Variants in CAPSL observed in about 807,000 individuals in gnomAD.
CAPSL encodes calcyphosine like.
Under a neutral mutation model 21.3 loss-of-function variants are expected in CAPSL, and 17 were observed. The ratio of observed to expected loss-of-function variants is 0.80; its 90% CI spans 0.55 to 1.20. CAPSL has a LOEUF of 1.20. Among genes scored for constraint, CAPSL ranks in the 50% most tolerant of loss-of-function variants. CAPSL has a pLI of 0.00. For missense variants in CAPSL, 289 were observed against 259.3 expected (o/e 1.11, Z -0.79); for synonymous variants, 102 against 89.3 (o/e 1.14, Z -0.80).
intron 1 of CAPSL, among the ~76,000 whole-genome samples, chr5:35,923,219 C>CAGTA (rs1011090009): frequency 6.6e-6 from 1 of 150,684 alleles, no homozygotes; most frequent in Non-Finnish European, 1.5e-5. Flanking sequence ...CCATCCATGA[C>CAGTA]AGTAAGTGAG....
chr5:35,910,218 C>T, intron 3 of CAPSL, 143 bp from the exon 4 acceptor site: 1 of 1,102,174 alleles, frequency 9.1e-7, no homozygotes, highest in Admixed American at 2.7e-5. Context: ...ACAATTGCTC[C>T]AAAAATTCCT....
chr5:35,905,418 A>G (rs986744250), intron 4 of CAPSL, among the ~76,000 whole-genome samples: 6 of 152,196 alleles, frequency 3.9e-5, no homozygotes, highest in Admixed American at 2.0e-4. Context: ...TCCAAGAATC[A>G]TAAGAGATGA....
intron 4 of CAPSL, among the ~76,000 whole-genome samples, chr5:35,908,304 G>A (rs572178264): frequency 6.6e-6 from 1 of 152,318 alleles, no homozygotes; most frequent in African/African-American, 2.4e-5. Context: ...TGATGATTAT[G>A]AACAGCCAGA....
At chr5:35,907,542 A>T (rs1464467407) in intron 4 of CAPSL, among the ~76,000 whole-genome samples, 1 of 152,154 alleles carries the variant, frequency 6.6e-6, no homozygotes, top group Non-Finnish European at 1.5e-5. Context: ...AGGTTATCTG[A>T]TTGCTTCACA....
chr5:35,930,820 C>A (rs1738801688), intron 1 of CAPSL, among the ~76,000 whole-genome samples: 1 of 152,162 alleles, frequency 6.6e-6, no homozygotes, highest in African/African-American at 2.4e-5. Context: ...CTGCCCTATT[C>A]CACTTTCTAC....
chr5:35,922,506 G>A (rs558215153), intron 1 of CAPSL, among the ~76,000 whole-genome samples: 6 of 152,130 alleles, frequency 3.9e-5, no homozygotes, highest in South Asian at 2.1e-4. Flanking sequence ...ACCTGTCTAC[G>A]TCCCAGCTCT....
At chr5:35,911,390 A>G (rs1363592435) in intron 2 of CAPSL, among the ~76,000 whole-genome samples, 1 of 152,234 alleles carries the variant, frequency 6.6e-6, no homozygotes, top group African/African-American at 2.4e-5. Context: ...TGTTAATCAT[A>G]CATATCCTTG....
At position 35,937,607 on chromosome 5, in the gene CAPSL, T is replaced by C. The variant is rs143654374; in HGVS notation, c.-1+934A>G. ...ATTACTTGCCCTGCTAGACAGACTA[T>C]AAGGTCCTTACGAGGTAGAGCTGTA... On this transcript the variant is annotated intron_variant, in intron 1 of 4. Coordinates refer to ENST00000651391, the MANE Select transcript of CAPSL (RefSeq NM_001042625.2). Among the ~76,000 whole-genome samples, 242 of 152,326 alleles carry C rather than the reference T, an allele frequency of 1.6e-3. 1 individual carries two copies. The highest frequency in any genetic ancestry group is 3.4e-3 in the Middle Eastern group (1 of 294).
At chr5:35,922,232 G>A (rs1486217088) in intron 1 of CAPSL, among the ~76,000 whole-genome samples, 1 of 152,116 alleles carries the variant, frequency 6.6e-6, no homozygotes, top group African/African-American at 2.4e-5. Flanking sequence ...TGCCAAGAGT[G>A]TTGTTCTCCT....
At position 35,921,098 on chromosome 5, in the gene CAPSL, T is replaced by A. The variant is rs1446518072; in HGVS notation, c.23A>T (p.Asp8Val). Reference protein sequence around the residue: MAGTARHDREMAIQAKKK... With the variant: MAGTARHVREMAIQAKKK... Reference sequence around the variant, plus strand: ...CTTGGCCTGGATCGCCATCTCTCGGTCATGGCGCGCTGTCCCTGCCATCTG... The same window carrying A: ...CTTGGCCTGGATCGCCATCTCTCGGACATGGCGCGCTGTCCCTGCCATCTG... Residue 8 changes from aspartate to valine, a missense_variant, in exon 2 of 5, where the codon GAC (aspartate) becomes GTC (valine). Physicochemically the swap from Asp to Val is radical, Grantham distance 152. Transcript: ENST00000651391. The A allele has an allele frequency of 6.2e-7, 1 of 1,614,022 alleles. No individual in the cohort carries two copies. Among genetic ancestry groups the A allele is most frequent in the Non-Finnish European group, 8.5e-7 (1 of 1,180,010 alleles).
At position 35,930,212 on chromosome 5, in the gene CAPSL, CA is replaced by C. The variant is rs1318634325; in HGVS notation, c.-1+8328del. ...GCATCTTACCACATTTTCTCTGTAT[CA>C]GAATACATTTTCTCGAAATGCTTAA... On this transcript the variant is annotated intron_variant, in intron 1 of 4. Transcript: ENST00000651391. 2.6e-5 allele frequency among the ~76,000 whole-genome samples: 4 copies of C among 152,216 alleles called. No individual in the cohort carries two copies. The South Asian group carries it at 6.2e-4, about 24-fold the overall frequency.
At chr5:35,924,541 G>C (rs1738620577) in intron 1 of CAPSL, among the ~76,000 whole-genome samples, 1 of 152,146 alleles carries the variant, frequency 6.6e-6, no homozygotes, top group African/African-American at 2.4e-5. Context: ...TTTATTTCTG[G>C]AGTCTAATAA....
At chr5:35,938,291 G>A (rs1350668405) in intron 1 of CAPSL, among the ~76,000 whole-genome samples, 1 of 152,046 alleles carries the variant, frequency 6.6e-6, no homozygotes, top group African/African-American at 2.4e-5. Context: ...CCCCTTTACT[G>A]AATGAAATTT....
At chr5:35,910,607 T>TA (rs898000622) in intron 2 of CAPSL, 64 bp from the exon 3 acceptor site, 477 of 1,233,964 alleles carry the variant, frequency 3.9e-4, no homozygotes, top group African/African-American at 5.0e-4. Flanking sequence ...GTGTAAAGAT[T>TA]AAAAAAAAAT....
rs143779172 is a variant in CAPSL, at chr5:35,934,894, A to G, written c.-1+3647T>C. On this transcript the variant is annotated intron_variant, in intron 1 of 4. Coordinates refer to ENST00000651391, the MANE Select transcript of CAPSL (RefSeq NM_001042625.2). ...CTGCCAAGACACTGATTGGTACAAT[A>G]TCTTTATCCTGGATGGTATCTGATT... Among the ~76,000 whole-genome samples, 776 of 152,282 alleles carry G rather than the reference A, an allele frequency of 5.1e-3. 8 individuals are homozygous for G. Among genetic ancestry groups the G allele is most frequent in the African/African-American group, 0.018 (742 of 41,550 alleles).
intron 1 of CAPSL, among the ~76,000 whole-genome samples, chr5:35,925,735 CAGG>C (rs1377642575): frequency 6.6e-6 from 1 of 152,022 alleles, no homozygotes; most frequent in African/African-American, 2.4e-5. Flanking sequence ...TCTTAAAAAA[CAGG>C]AGACCACAAA....
At chr5:35,928,477 T>C (rs1738739441) in intron 1 of CAPSL, among the ~76,000 whole-genome samples, 1 of 152,162 alleles carries the variant, frequency 6.6e-6, no homozygotes, top group African/African-American at 2.4e-5. Context: ...TCAGTGTTGT[T>C]GACATCGTGA....
At chr5:35,932,264 G>A (rs1257492034) in intron 1 of CAPSL, among the ~76,000 whole-genome samples, 1 of 152,156 alleles carries the variant, frequency 6.6e-6, no homozygotes, top group Non-Finnish European at 1.5e-5. Flanking sequence ...GAAAATGATA[G>A]AGATTTACTT....
chr5:35,908,143 T>C (rs1357031914), intron 4 of CAPSL, among the ~76,000 whole-genome samples: 1 of 152,220 alleles, frequency 6.6e-6, no homozygotes, highest in African/African-American at 2.4e-5. Context: ...TTTCTGAATC[T>C]TTTAGAGCTA....
Sources: allele counts gnomAD v4.1 joint callset (sites outside exome capture counted in the v4.1 genomes callset), GRCh38; gene constraint gnomAD v4.1.1; transcripts MANE v1.5; gene names NCBI Gene and HGNC (gene_info 2026-07-23, HGNC 2026-07-21).